COL25A1: variants seen among roughly 807,000 people sequenced by gnomAD.
COL25A1 encodes the protein collagen alpha-1(XXV) chain.
In COL25A1, 103 loss-of-function variants were observed where a neutral mutation model predicts 128.4. The observed-to-expected ratio is 0.80, with a 90% CI of 0.68 to 0.94. The LOEUF is 0.94. Among genes scored for constraint, COL25A1 ranks in the 40% least tolerant of loss-of-function variants. COL25A1 has a pLI of 0.00. For missense variants in COL25A1, 745 were observed against 840.0 expected (o/e 0.89, Z 1.40); for synonymous variants, 279 against 277.2 (o/e 1.01, Z -0.06).
intron 3 of COL25A1, among the ~76,000 whole-genome samples, chr4:109,204,735 G>A (rs1776844176): frequency 1.3e-5 from 2 of 151,978 alleles, no homozygotes; most frequent in Admixed American, 6.6e-5. Flanking sequence ...CATTTTTTAA[G>A]GTATTTGAAA....
chr4:109,295,149 T>C (rs997747407), intron 3 of COL25A1, among the ~76,000 whole-genome samples: 4 of 152,066 alleles, frequency 2.6e-5, no homozygotes, highest in African/African-American at 9.7e-5. Context: ...AAAAATAGAA[T>C]TATTAAGGTA....
At position 108,845,265 on chromosome 4, in the gene COL25A1, T is replaced by C. The variant is rs1165155316; in HGVS notation, c.1516-14A>G. On this transcript the variant is annotated splice_polypyrimidine_tract_variant and intron_variant, in intron 28 of 37. Transcript: ENST00000399132. ...TCCATTGGCTCCCTATAAATAACCATTAAGCAGAGTTAAGCAGGTAAAGTT... is the reference window on the plus strand; with the variant it reads ...TCCATTGGCTCCCTATAAATAACCACTAAGCAGAGTTAAGCAGGTAAAGTT... 1 of 1,594,266 alleles carries C rather than the reference T, an allele frequency of 6.3e-7. No homozygotes were observed. The highest frequency in any genetic ancestry group is 1.3e-5 in the African/African-American group (1 of 74,672).
At chr4:108,955,121 G>A (rs1015452625) in intron 8 of COL25A1, among the ~76,000 whole-genome samples, 14 of 151,974 alleles carry the variant, frequency 9.2e-5, no homozygotes, top group African/African-American at 3.4e-4. Context: ...TGTCTGTCAT[G>A]TCATTATTAA....
intron 37 of COL25A1, 96 bp from the exon 38 acceptor site, chr4:108,814,025 C>T (rs139436806): frequency 5.2e-6 from 5 of 963,278 alleles, no homozygotes; most frequent in African/African-American, 4.9e-5. Flanking sequence ...CTGGTAGAAC[C>T]TTGAATAGAG....
chr4:108,881,971 AT>A (rs1453646967), intron 19 of COL25A1, among the ~76,000 whole-genome samples: 1 of 152,184 alleles, frequency 6.6e-6, no homozygotes, highest in African/African-American at 2.4e-5. Flanking sequence ...GTTTTTGTCA[AT>A]TAATAGCTTC....
At chr4:108,856,164 T>G (rs1357588314) in intron 24 of COL25A1, among the ~76,000 whole-genome samples, 1 of 152,180 alleles carries the variant, frequency 6.6e-6, no homozygotes, top group Non-Finnish European at 1.5e-5. Context: ...GATGAAAGCT[T>G]AAACTCGCCC....
intron 3 of COL25A1, among the ~76,000 whole-genome samples, chr4:109,076,980 C>T (rs953859159): frequency 1.3e-5 from 2 of 152,166 alleles, no homozygotes; most frequent in African/African-American, 4.8e-5. Flanking sequence ...TGCTCACCTC[C>T]TTTGCTGTGA....
intron 3 of COL25A1, among the ~76,000 whole-genome samples, chr4:109,297,504 G>T (rs1312267986): frequency 6.6e-6 from 1 of 151,886 alleles, no homozygotes; most frequent in Non-Finnish European, 1.5e-5. Flanking sequence ...GAATAATTTA[G>T]GAGACTTATA....
chr4:109,189,374 C>G (rs536254334), intron 3 of COL25A1, among the ~76,000 whole-genome samples: 39 of 151,696 alleles, frequency 2.6e-4, no homozygotes, highest in African/African-American at 9.4e-4. Context: ...ATGGTGAAAC[C>G]CTGTCTCTAC....
chr4:108,998,170 A>G (rs527988168), intron 6 of COL25A1, among the ~76,000 whole-genome samples: 6 of 152,280 alleles, frequency 3.9e-5, no homozygotes, highest in Admixed American at 3.9e-4. Flanking sequence ...AATTAGGAAA[A>G]GAGGAAGTCA....
At chr4:109,023,111 T>A (rs1480908117) in intron 5 of COL25A1, among the ~76,000 whole-genome samples, 1 of 152,224 alleles carries the variant, frequency 6.6e-6, no homozygotes. Flanking sequence ...CCATTCAAGA[T>A]TCTTCTAATC....
At chr4:108,858,472 A>G (rs1175944595) in intron 24 of COL25A1, among the ~76,000 whole-genome samples, 3 of 152,216 alleles carry the variant, frequency 2.0e-5, no homozygotes, top group Admixed American at 2.0e-4. Context: ...TAGTTTAAAA[A>G]TGACTCTAAA....
intron 3 of COL25A1, among the ~76,000 whole-genome samples, chr4:109,103,007 A>G (rs1344338158): frequency 6.6e-6 from 1 of 152,180 alleles, no homozygotes; most frequent in Non-Finnish European, 1.5e-5. Context: ...TGTAAATACT[A>G]TAGATATCGC....
At chr4:108,986,386 A>G (rs1753672993) in intron 6 of COL25A1, among the ~76,000 whole-genome samples, 1 of 152,198 alleles carries the variant, frequency 6.6e-6, no homozygotes, top group Non-Finnish European at 1.5e-5. Flanking sequence ...TGATCAACCA[A>G]ACTTTGTGTA....
At chr4:109,140,103 T>G (rs1402202790) in intron 3 of COL25A1, among the ~76,000 whole-genome samples, 1 of 152,336 alleles carries the variant, frequency 6.6e-6, no homozygotes, top group South Asian at 2.1e-4. Context: ...TCCAAGTCTT[T>G]GCTATTGTGA....
chr4:109,012,976 G>A (rs887871632), intron 5 of COL25A1, among the ~76,000 whole-genome samples: 37 of 152,260 alleles, frequency 2.4e-4, no homozygotes, highest in African/African-American at 8.4e-4. Flanking sequence ...TCTATGCAGA[G>A]GATTGTATAT....
Position 108,896,720 on chromosome 4 carries a change from G to T in COL25A1, c.862-9C>A. ...TTCTCTCCAGCGTCTCCCTGAGGAG[G>T]TGAGAAAGTGACACATGTAAAATAC... On this transcript the variant is annotated splice_polypyrimidine_tract_variant and intron_variant, in intron 15 of 37. Coordinates refer to ENST00000399132, the MANE Select transcript of COL25A1 (RefSeq NM_198721.4). 1 of 1,613,002 alleles carries T rather than the reference G, an allele frequency of 6.2e-7. No individual in the cohort carries two copies. The highest frequency in any genetic ancestry group is 8.5e-7 in the Non-Finnish European group (1 of 1,178,988).
At chr4:108,929,027 T>G (rs1746417093) in intron 11 of COL25A1, among the ~76,000 whole-genome samples, 1 of 152,254 alleles carries the variant, frequency 6.6e-6, no homozygotes, top group African/African-American at 2.4e-5. Context: ...TGTGAAATGC[T>G]AAGCTAAATG....
chr4:108,934,771 C>T lies in COL25A1; in HGVS notation c.708+3037G>A, dbSNP rs796290734. Among the ~76,000 whole-genome samples, 28 of 152,226 alleles carry T rather than the reference C, an allele frequency of 1.8e-4. 1 individual carries two copies. The highest frequency in any genetic ancestry group is 6.3e-4 in the African/African-American group (26 of 41,538). On this transcript the variant is annotated intron_variant, in intron 11 of 37. Transcript: ENST00000399132. Reference sequence around the variant, plus strand: ...GGATTTCTTTAAACAGCAAAATTCCCTGGCACATTCAAAATATGTTGATTT... The same window carrying T: ...GGATTTCTTTAAACAGCAAAATTCCTTGGCACATTCAAAATATGTTGATTT...
Sources: allele counts gnomAD v4.1 joint callset (sites outside exome capture counted in the v4.1 genomes callset), GRCh38; gene constraint gnomAD v4.1.1; transcripts MANE v1.5; gene names NCBI Gene and HGNC (gene_info 2026-07-23, HGNC 2026-07-21).